Variants in NRK observed in about 807,000 individuals in gnomAD.
The protein encoded by NRK is Nik related kinase.
A neutral mutation model predicts 125.2 loss-of-function variants in NRK; 67 were observed. The observed-to-expected ratio is 0.54, with a 90% CI of 0.44 to 0.66. The LOEUF is 0.66. Among genes scored for constraint, NRK ranks in the 30% least tolerant of loss-of-function variants. The pLI is 0.00. For synonymous variants in NRK, 458 were observed against 429.0 expected, an observed-to-expected ratio of 1.07 and a Z score of -0.84; for missense variants, 1,224 against 1,192.9, an observed-to-expected ratio of 1.03 and a Z score of -0.38.
intron 15 of NRK, among the ~76,000 whole-genome samples, chrX:105,917,137 G>A (rs1210869529): frequency 9.0e-6 from 1 of 110,748 alleles, no homozygotes; most frequent in Non-Finnish European, 1.9e-5. Context: ...GGAATGGGAC[G>A]TTAAAAACAT....
chrX:105,929,223 A>T (rs958673580), intron 19 of NRK, among the ~76,000 whole-genome samples: 4 of 111,503 alleles, frequency 3.6e-5, no homozygotes, highest in African/African-American at 1.3e-4. Context: ...TGATCCTATT[A>T]TCATAATATA....
At position 105,956,616 on chromosome X, in the gene NRK, T is replaced by C. The variant is rs2040981310; in HGVS notation, c.*1016T>C. ...AATATCTGTGTTTTTCAGATTTCAT[T>C]TTTTGTAAAATCAGAAATTAATCTA... On this transcript the variant is annotated 3_prime_UTR_variant, in exon 29 of 29. Transcript: ENST00000243300. 1 of 112,336 alleles carries C rather than the reference T, an allele frequency of 8.9e-6. No homozygotes were observed. Among genetic ancestry groups the C allele is most frequent in the African/African-American group, 3.2e-5 (1 of 30,927 alleles). 9.3% of individuals were successfully genotyped at this position (112,336 alleles called of 1,213,427 possible).
intron 19 of NRK, among the ~76,000 whole-genome samples, chrX:105,930,786 G>C (rs190906207): frequency 8.3e-4 from 92 of 111,069 alleles, no homozygotes; most frequent in African/African-American, 2.7e-3. Flanking sequence ...CATTGACTTT[G>C]GTTCTGGGTG....
Position 105,922,032 on chromosome X carries a change from A to G in NRK, c.2581A>G (p.Ile861Val), listed in dbSNP as rs1374583456. 3 of 1,153,281 alleles carry G rather than the reference A, an allele frequency of 2.6e-6. No individual in the cohort carries two copies. The highest frequency in any genetic ancestry group is 2.2e-5 in the Admixed American group (1 of 45,225). ...TCAGTCATCACCACCTTATTCTACT[A>G]TTGATCAGAAGTTGCTGGTTGACAT... is the stretch of plus-strand genomic sequence containing the variant. ...RSQSSPPYST[I>V]DQKLLVDIHV... Residue 861 changes from isoleucine (I) to valine (V), a missense_variant, in exon 17 of 29, where the codon ATT (isoleucine) becomes GTT (valine). By Grantham distance (29) the Ile-to-Val change is conservative (BLOSUM62 3). Coordinates refer to ENST00000243300, the MANE Select transcript of NRK (RefSeq NM_198465.4).
At position 105,912,774 on chromosome X, in the gene NRK, G is replaced by T; in HGVS notation, c.2349+19G>T. ...AATTGAGGTAAATTTTTCAATATGAGTTGTTGTGACATTAGTAAGAACCCA... is the reference window on the plus strand; with the variant it reads ...AATTGAGGTAAATTTTTCAATATGATTTGTTGTGACATTAGTAAGAACCCA... On this transcript the variant is annotated intron_variant, in intron 14 of 28. Coordinates refer to ENST00000243300, the MANE Select transcript of NRK (RefSeq NM_198465.4). 1 of 819,339 alleles carries T rather than the reference G, an allele frequency of 1.2e-6. No homozygotes were observed. Among genetic ancestry groups the T allele is most frequent in the Non-Finnish European group, 1.7e-6 (1 of 573,756 alleles). 67.5% of individuals were successfully genotyped at this position (819,339 alleles called of 1,213,427 possible). A position where few individuals can be genotyped will look rare whatever the true frequency, so the allele number is the denominator to read the frequency against.
intron 2 of NRK, among the ~76,000 whole-genome samples, chrX:105,831,375 T>C (rs2039189889): frequency 1.8e-5 from 2 of 111,861 alleles, no homozygotes; most frequent in Admixed American, 9.5e-5. Flanking sequence ...CAATGGAAAA[T>C]TGAAGTAATT....
intron 4 of NRK, among the ~76,000 whole-genome samples, chrX:105,882,704 T>A (rs1011765665): frequency 5.4e-5 from 6 of 111,037 alleles, no homozygotes; most frequent in Non-Finnish European, 9.4e-5. Context: ...TAGAAAGATA[T>A]TACTAAACAA....
In NRK at chrX:105,943,968, C is replaced by G. The variant is rs1157760839; in HGVS notation, c.3986C>G (p.Ala1329Gly). ...VLQHEETTYIAIALKSSIHLY... is the reference protein window; with the variant it reads ...VLQHEETTYIGIALKSSIHLY... ...CAACATGAAGAAACAACATATATTGCAATTGCTTTGAAATCATCAATTCAC... is the reference window on the plus strand; with the variant it reads ...CAACATGAAGAAACAACATATATTGGAATTGCTTTGAAATCATCAATTCAC... Residue 1329 changes from alanine to glycine, a missense_variant, in exon 24 of 29, where the codon GCA becomes GGA. Coordinates refer to ENST00000243300, the MANE Select transcript of NRK (RefSeq NM_198465.4). 1 of 1,166,709 alleles carries G rather than the reference C, an allele frequency of 8.6e-7. No individual in the cohort carries two copies. Among genetic ancestry groups the G allele is most frequent in the Admixed American group, 2.3e-5 (1 of 43,951 alleles).
intron 5 of NRK, among the ~76,000 whole-genome samples, chrX:105,892,539 C>T (rs899200816): frequency 8.9e-6 from 1 of 111,732 alleles, no homozygotes; most frequent in African/African-American, 3.2e-5. Context: ...TTGAGCTCTT[C>T]TGACTCACAT....
chrX:105,910,576 C>A (rs2040286401), intron 13 of NRK, among the ~76,000 whole-genome samples: 1 of 112,352 alleles, frequency 8.9e-6, no homozygotes, highest in Non-Finnish European at 1.9e-5. Context: ...ATTACACATG[C>A]ATCAAGAATG....
intron 2 of NRK, among the ~76,000 whole-genome samples, chrX:105,850,248 G>A (rs893006154): frequency 1.2e-4 from 13 of 112,268 alleles, no homozygotes; most frequent in African/African-American, 4.2e-4. Flanking sequence ...GCCCCTTTAA[G>A]CTATAGCTGG....
rs139087248 is a variant in NRK at position 105,822,606 on chromosome X, C to G, written c.-240C>G. The G allele has an allele frequency of 4.0e-3, 1,717 of 433,451 alleles. 19 individuals are homozygous for G. Among genetic ancestry groups the G allele is most frequent in the African/African-American group, 0.038 (1,529 of 40,050 alleles). 35.7% of individuals were successfully genotyped at this position (433,451 alleles called of 1,213,427 possible). ...GTCTCCAGGACTGACGCTCAGGCTC[C>G]TCTCTCGCCTTAGCCCAACTTGCTT... is the stretch of plus-strand genomic sequence containing the variant. On this transcript the variant is annotated 5_prime_UTR_variant, in exon 1 of 29. Transcript: ENST00000243300.
Position 105,937,462 on chromosome X carries a change from C to G in NRK, c.3679C>G (p.Arg1227Gly), listed in dbSNP as rs765930296. The G allele has an allele frequency of 7.6e-6, 9 of 1,185,204 alleles. No individual in the cohort carries two copies. The highest frequency in any genetic ancestry group is 1.0e-5 in the Non-Finnish European group (9 of 877,157). ...AGGAGTCAATTTGCTGTTGGGAACC[C>G]GATCTAATCTATATCTGATGGACAG... ...LWGVNLLLGT[R>G]SNLYLMDRSG... Residue 1227 changes from arginine to glycine, a missense_variant, in exon 22 of 29, where the codon CGA (arginine) becomes GGA (glycine). By Grantham distance (125) the Arg-to-Gly change is moderately radical. Transcript: ENST00000243300.
chrX:105,878,954 G>T (rs1445119969), intron 2 of NRK, among the ~76,000 whole-genome samples: 1 of 111,369 alleles, frequency 9.0e-6, no homozygotes, highest in Non-Finnish European at 1.9e-5. Context: ...TAAGAATTCT[G>T]AGTTGAGGTG....
intron 16 of NRK, among the ~76,000 whole-genome samples, chrX:105,921,332 G>T (rs771822336): frequency 9.7e-6 from 1 of 103,466 alleles, no homozygotes; most frequent in South Asian, 4.7e-4. Flanking sequence ...GGACTGTTGT[G>T]GGGTGGGGGG....
chrX:105,909,535 G>A lies in NRK; in HGVS notation c.1894G>A (p.Ala632Thr). 1.7e-6 allele frequency: 2 copies of A among 1,210,221 alleles called. No individual in the cohort carries two copies. Among genetic ancestry groups the A allele is most frequent in the East Asian group, 5.9e-5 (2 of 33,707 alleles). Residue 632 changes from alanine (A) to threonine (T), a missense_variant, in exon 13 of 29, where the codon GCA (alanine) becomes ACA (threonine). Ala to Thr is a moderately conservative substitution (Grantham distance 58). Transcript: ENST00000243300. The stretch of plus-strand genomic sequence containing the variant: ...GGCTTGGACACTAGAACCCCCACAG[G>A]CAATTGGCTCAGTTCAAGCACTGAT... ...AQAWTLEPPQ[A>T]IGSVQALIEG... is the part of the protein sequence containing the mutation.
chrX:105,865,977 G>A (rs1183412330), intron 2 of NRK, among the ~76,000 whole-genome samples: 1 of 99,088 alleles, frequency 1.0e-5, no homozygotes, highest in Non-Finnish European at 2.0e-5. Flanking sequence ...CTCAAAAAAT[G>A]TAAGAATGTA....
At chrX:105,942,884 C>T (rs1011981545) in intron 23 of NRK, among the ~76,000 whole-genome samples, 1 of 111,334 alleles carries the variant, frequency 9.0e-6, no homozygotes, top group Admixed American at 9.5e-5. Flanking sequence ...CCTGGCCTCC[C>T]AAAGTACTGG....
Position 105,915,745 on chromosome X carries a change from C to T in NRK, c.2365C>T (p.Pro789Ser), listed in dbSNP as rs192589373. 5.5e-3 allele frequency: 6,252 copies of T among 1,146,701 alleles called. 46 individuals carry two copies. The highest frequency in any genetic ancestry group is 0.04 in the Admixed American group (1,806 of 45,019). 94.5% of individuals were successfully genotyped at this position (1,146,701 alleles called of 1,213,427 possible). A position where few individuals can be genotyped will look rare whatever the true frequency, so the allele number is the denominator to read the frequency against. ...TGTCTTTAAGGTTCAAGAGAGATCT[C>T]CTTCTGTGCCTAACAACCAGGATCA... ...PKKIEVQERS[P>S]SVPNNQDHAH... The change falls in exon 15 of 29, where the codon CCT becomes TCT. Residue 789 changes from proline (P) to serine (S), a missense_variant. Coordinates refer to ENST00000243300, the MANE Select transcript of NRK (RefSeq NM_198465.4).
Sources: gnomAD v4.1 joint callset for allele counts (sites outside exome capture counted in the v4.1 genomes callset) on GRCh38, gnomAD v4.1.1 for gene constraint, MANE v1.5 for transcripts, NCBI Gene and HGNC (gene_info 2026-07-23, HGNC 2026-07-21) for gene names.